Variants in SCGN observed in about 807,000 individuals in gnomAD.
SCGN encodes the protein secretagogin.
SCGN carries 30 observed loss-of-function variants against 39.7 expected under a neutral mutation model. The ratio of observed to expected loss-of-function variants is 0.76; its 90% CI spans 0.57 to 1.03. SCGN has a LOEUF of 1.03. Ranked by LOEUF, SCGN falls within the 50% of genes least tolerant of loss-of-function variation. The pLI is 0.00. For missense variants in SCGN, 353 were observed against 349.4 expected (o/e 1.01, Z -0.08); for synonymous variants, 106 against 114.1 (o/e 0.93, Z 0.45).
rs943459462 is a variant in SCGN, at chr6:25,682,488, G to T, written c.527+482G>T. Among the ~76,000 whole-genome samples, 14 of 152,214 alleles carry T rather than the reference G, an allele frequency of 9.2e-5. No homozygotes were observed. In the East Asian group the frequency reaches 2.3e-3, roughly 25 times the overall value. ...GGAGGAGGACAGGATAAAAGCAGAAGTGGCTCAGTGTCCATGAAAATGTTG... is the reference window on the plus strand; with the variant it reads ...GGAGGAGGACAGGATAAAAGCAGAATTGGCTCAGTGTCCATGAAAATGTTG... On this transcript the variant is annotated intron_variant, in intron 7 of 10. Coordinates refer to ENST00000377961, the MANE Select transcript of SCGN (RefSeq NM_006998.4).
chr6:25,701,183 A>G (rs1281986351), intron 10 of SCGN, 24 bp from the exon 11 acceptor site: 1 of 1,599,518 alleles, frequency 6.3e-7, no homozygotes, highest in Middle Eastern at 1.8e-4. Context: ...TTGCCTGTTA[A>G]CATGTTACTT....
chr6:25,701,431 C>T lies in SCGN; in HGVS notation c.*96C>T. ...TGATGTTGGGAACACAGTGGGCAAACTCACAAATGGTGTGCTATTCTTGGG... is the reference window on the plus strand; with the variant it reads ...TGATGTTGGGAACACAGTGGGCAAATTCACAAATGGTGTGCTATTCTTGGG... On this transcript the variant is annotated 3_prime_UTR_variant, in exon 11 of 11. Coordinates refer to ENST00000377961, the MANE Select transcript of SCGN (RefSeq NM_006998.4). 1 of 1,476,256 alleles carries T rather than the reference C, an allele frequency of 6.8e-7. No individual in the cohort carries two copies. Among genetic ancestry groups the T allele is most frequent in the Non-Finnish European group, 9.2e-7 (1 of 1,087,720 alleles). 91.4% of individuals were successfully genotyped at this position (1,476,256 alleles called of 1,614,324 possible). A position where few individuals can be genotyped will look rare whatever the true frequency, so the allele number is the denominator to read the frequency against.
intron 2 of SCGN, among the ~76,000 whole-genome samples, chr6:25,660,594 T>A (rs1468407025): frequency 2.0e-5 from 3 of 152,238 alleles, no homozygotes; most frequent in Non-Finnish European, 4.4e-5. Flanking sequence ...CTGGGGTTAT[T>A]CTTGAGAAAT....
chr6:25,670,591 T>G (rs191561553), intron 6 of SCGN, among the ~76,000 whole-genome samples: 90 of 152,340 alleles, frequency 5.9e-4, no homozygotes, highest in African/African-American at 2.1e-3. Context: ...TCCTATAAAA[T>G]GGGGACGAAT....
intron 2 of SCGN, among the ~76,000 whole-genome samples, chr6:25,658,447 T>G (rs746725672): frequency 6.6e-6 from 1 of 152,134 alleles, no homozygotes; most frequent in Non-Finnish European, 1.5e-5. Flanking sequence ...AGTCCTCTTA[T>G]TTTAATCATT....
intron 10 of SCGN, among the ~76,000 whole-genome samples, chr6:25,695,272 T>G (rs1285355159): frequency 6.6e-6 from 1 of 152,204 alleles, no homozygotes; most frequent in African/African-American, 2.4e-5. Flanking sequence ...AAGCACTGTA[T>G]ATACTTAACA....
At chr6:25,698,199 A>G (rs1759862716) in intron 10 of SCGN, among the ~76,000 whole-genome samples, 1 of 152,222 alleles carries the variant, frequency 6.6e-6, no homozygotes, top group South Asian at 2.1e-4. Context: ...TATTAAAAAC[A>G]TAACTCAAAA....
At chr6:25,681,036 T>G (rs1759631698) in intron 6 of SCGN, among the ~76,000 whole-genome samples, 1 of 152,190 alleles carries the variant, frequency 6.6e-6, no homozygotes, top group African/African-American at 2.4e-5. Context: ...TGTTGTAAAG[T>G]CACAAAATTC....
intron 6 of SCGN, among the ~76,000 whole-genome samples, chr6:25,678,363 G>T (rs971729125): frequency 3.9e-5 from 6 of 151,966 alleles, no homozygotes; most frequent in Non-Finnish European, 7.4e-5. Flanking sequence ...AAAAATTCAG[G>T]CCTATATTTA....
At chr6:25,652,560 T>C (rs1582567305) in intron 1 of SCGN, 75 bp downstream of exon 1, 1 of 1,408,710 alleles carries the variant, frequency 7.1e-7, no homozygotes, top group Non-Finnish European at 1.0e-6. Context: ...GGACCTGGAG[T>C]TTCCCCTTTA....
chr6:25,686,042 C>G (rs1346260805), intron 7 of SCGN, among the ~76,000 whole-genome samples: 2 of 152,150 alleles, frequency 1.3e-5, no homozygotes, highest in Non-Finnish European at 2.9e-5. Context: ...GTAATGTTTT[C>G]AAGGTTCATT....
chr6:25,659,330 T>C (rs1205927159), intron 2 of SCGN, among the ~76,000 whole-genome samples: 2 of 152,224 alleles, frequency 1.3e-5, no homozygotes, highest in Non-Finnish European at 2.9e-5. Flanking sequence ...AACGACTTAA[T>C]GTTGGAATGC....
intron 10 of SCGN, among the ~76,000 whole-genome samples, chr6:25,700,908 C>A (rs1208664584): frequency 1.3e-5 from 2 of 152,128 alleles, no homozygotes; most frequent in Non-Finnish European, 2.9e-5. Context: ...GCCTACTTTG[C>A]GGCAAAGTAT....
intron 6 of SCGN, among the ~76,000 whole-genome samples, chr6:25,675,618 T>C (rs1759554750): frequency 6.6e-6 from 1 of 152,222 alleles, no homozygotes; most frequent in Non-Finnish European, 1.5e-5. Flanking sequence ...TCCTCCTAAA[T>C]CCTGCAACAA....
At chr6:25,654,814 C>T (rs1027342485) in intron 2 of SCGN, among the ~76,000 whole-genome samples, 9 of 152,242 alleles carry the variant, frequency 5.9e-5, no homozygotes, top group African/African-American at 2.2e-4. Context: ...TGCACTCCAC[C>T]CCTTACCCTG....
At position 25,652,378 on chromosome 6, in the gene SCGN, G is replaced by A; in HGVS notation, c.-26G>A. ...AAAGTTGTCTAGGTCCTTCCGCGCC[G>A]GTGCCTGGTCTTCGTCGTCAACACC... On this transcript the variant is annotated 5_prime_UTR_variant, in exon 1 of 11. Transcript: ENST00000377961. The A allele has an allele frequency of 6.2e-7, 1 of 1,608,866 alleles. No homozygotes were observed. The highest frequency in any genetic ancestry group is 8.5e-7 in the Non-Finnish European group (1 of 1,175,428).
chr6:25,684,342 G>T (rs1021738594), intron 7 of SCGN, among the ~76,000 whole-genome samples: 2 of 152,172 alleles, frequency 1.3e-5, no homozygotes, highest in African/African-American at 4.8e-5. Context: ...TCTGGGGATT[G>T]GTTCCAGAAC....
chr6:25,691,172 T>C, intron 10 of SCGN, 48 bp downstream of exon 10: 1 of 1,360,142 alleles, frequency 7.4e-7, no homozygotes, highest in East Asian at 2.3e-5. Context: ...TGTTTTGATT[T>C]ATTCCATTGT....
intron 7 of SCGN, among the ~76,000 whole-genome samples, chr6:25,684,739 G>A (rs1582585394): frequency 6.6e-6 from 1 of 152,144 alleles, no homozygotes. Context: ...GAACTCAGGA[G>A]GCAGAGTTTG....
Sources: gnomAD v4.1 joint callset for allele counts (sites outside exome capture counted in the v4.1 genomes callset) on GRCh38, gnomAD v4.1.1 for gene constraint, MANE v1.5 for transcripts, NCBI Gene and HGNC (gene_info 2026-07-23, HGNC 2026-07-21) for gene names.